The following KLHL4 variants were observed in gnomAD, a reference collection of about 807,000 sequenced individuals.
KLHL4 encodes the protein kelch-like protein 4.
A neutral mutation model predicts 45.8 loss-of-function variants in KLHL4; 17 were observed. The observed-to-expected ratio is 0.37, with a 90% CI of 0.25 to 0.56. KLHL4 has a LOEUF of 0.56. Among genes scored for constraint, KLHL4 ranks in the 20% least tolerant of loss-of-function variants. The pLI is 0.79. For synonymous variants in KLHL4, 224 were observed against 189.9 expected (o/e 1.18, Z -1.47); for missense variants, 544 against 544.9 (o/e 1.00, Z 0.02).
intron 1 of KLHL4, among the ~76,000 whole-genome samples, chrX:87,548,764 A>G (rs962537276): frequency 9.2e-6 from 1 of 108,683 alleles, no homozygotes; most frequent in Non-Finnish European, 1.9e-5. Flanking sequence ...CAAAAAACAT[A>G]CATGGATTCA....
At chrX:87,531,277 C>T (rs1183714613) in intron 1 of KLHL4, among the ~76,000 whole-genome samples, 13 of 110,477 alleles carry the variant, frequency 1.2e-4, no homozygotes, top group Non-Finnish European at 1.9e-4. Flanking sequence ...TTAATTAGAT[C>T]CCATTTGTCA....
At chrX:87,587,831 G>T (rs761783043) in intron 1 of KLHL4, among the ~76,000 whole-genome samples, 4 of 110,960 alleles carry the variant, frequency 3.6e-5, no homozygotes, top group Non-Finnish European at 5.7e-5. Context: ...AGATGTAAAG[G>T]TCACCCAAAA....
rs964902030 is a variant in KLHL4 at position 87,668,508 on chromosome X, A to G, written c.*1974A>G. 1.1e-5 allele frequency: 8 copies of G among 748,905 alleles called. No homozygotes were observed. The highest frequency in any genetic ancestry group is 9.5e-6 in the Non-Finnish European group (6 of 634,446). 61.7% of individuals were successfully genotyped at this position (748,905 alleles called of 1,213,427 possible). On this transcript the variant is annotated 3_prime_UTR_variant, in exon 11 of 11. Transcript: ENST00000373119. ...ATTTAAAAATGGTGTTCAGGCCACT[A>G]TGGCTGCTGTGGTTTGAATATTTTT...
chrX:87,662,185 T>C (rs961012528), intron 9 of KLHL4, among the ~76,000 whole-genome samples: 6 of 111,734 alleles, frequency 5.4e-5, no homozygotes, highest in African/African-American at 1.9e-4. Context: ...TTTCAAAAAG[T>C]TAAAATCATG....
intron 1 of KLHL4, among the ~76,000 whole-genome samples, chrX:87,580,610 A>G (rs1788538039): frequency 8.9e-6 from 1 of 111,922 alleles, no homozygotes; most frequent in Non-Finnish European, 1.9e-5. Flanking sequence ...AAAAAGTGTC[A>G]CAAGATACAT....
rs182407111 is a variant in KLHL4 at position 87,614,447 on chromosome X, G to T, written c.604G>T (p.Ala202Ser). The change falls in exon 3 of 11, where the codon GCA becomes TCA. Residue 202 changes from alanine to serine, a missense_variant. Coordinates refer to ENST00000373119, the MANE Select transcript of KLHL4 (RefSeq NM_019117.5). ...TCCTATTTCCAGGTTGGTTCTCAGC[G>T]CAGTGTCTGATTATTTTGCTGCAAT... ...RIPAHRLVLS[A>S]VSDYFAAMFT... 28 of 1,205,219 alleles carry T rather than the reference G, an allele frequency of 2.3e-5. No homozygotes were observed. Among genetic ancestry groups the T allele is most frequent in the Non-Finnish European group, 3.1e-5 (28 of 892,219 alleles).
At chrX:87,618,347 C>T (rs1922635249) in intron 4 of KLHL4, among the ~76,000 whole-genome samples, 1 of 111,060 alleles carries the variant, frequency 9.0e-6, no homozygotes, top group Non-Finnish European at 1.9e-5. Flanking sequence ...AAAAATACTG[C>T]CAAAAAATAA....
chrX:87,652,334 C>T (rs751406175), intron 9 of KLHL4, among the ~76,000 whole-genome samples: 4 of 112,347 alleles, frequency 3.6e-5, no homozygotes, highest in East Asian at 2.8e-4. Flanking sequence ...TTTCTGCAGC[C>T]GGCTTGAATT....
chrX:87,620,454 C>G (rs1230868755), intron 4 of KLHL4, among the ~76,000 whole-genome samples: 1 of 111,365 alleles, frequency 9.0e-6, no homozygotes, highest in African/African-American at 3.3e-5. Flanking sequence ...TTTCAATAGT[C>G]CCATTAGGAA....
intron 1 of KLHL4, among the ~76,000 whole-genome samples, chrX:87,534,369 G>T (rs1434366222): frequency 9.0e-6 from 1 of 110,666 alleles, no homozygotes; most frequent in Non-Finnish European, 1.9e-5. Context: ...ATTGACTCAG[G>T]AACCAAACTT....
intron 1 of KLHL4, among the ~76,000 whole-genome samples, chrX:87,603,078 A>T (rs1922070275): frequency 8.9e-6 from 1 of 111,837 alleles, no homozygotes; most frequent in African/African-American, 3.2e-5. Context: ...GCAGGGAATT[A>T]TGGGGCAGAA....
chrX:87,604,075 T>C (rs747520427), intron 1 of KLHL4, among the ~76,000 whole-genome samples: 4 of 111,360 alleles, frequency 3.6e-5, no homozygotes, highest in Non-Finnish European at 7.6e-5. Flanking sequence ...ATTTTAATCC[T>C]TTTTATGGCT....
At chrX:87,572,373 A>T (rs1932351104) in intron 1 of KLHL4, among the ~76,000 whole-genome samples, 1 of 111,150 alleles carries the variant, frequency 9.0e-6, no homozygotes, top group Non-Finnish European at 1.9e-5. Flanking sequence ...ATTTAACAAA[A>T]TAAGCACTCA....
At chrX:87,664,698 G>A in intron 9 of KLHL4, 66 bp from the exon 10 acceptor site, 1 of 728,826 alleles carries the variant, frequency 1.4e-6, no homozygotes, top group Non-Finnish European at 2.0e-6. Context: ...TTTTAAGAAT[G>A]TCTGTTATTT....
intron 1 of KLHL4, among the ~76,000 whole-genome samples, chrX:87,560,654 G>A (rs1474053195): frequency 9.0e-6 from 1 of 111,166 alleles, no homozygotes; most frequent in African/African-American, 3.3e-5. Flanking sequence ...TCTACTCCCC[G>A]TTTCTATGAG....
Position 87,631,685 on chromosome X carries a change from G to A in KLHL4, c.1325-525G>A, listed in dbSNP as rs761724808. On this transcript the variant is annotated intron_variant, in intron 6 of 10. Coordinates refer to ENST00000373119, the MANE Select transcript of KLHL4 (RefSeq NM_019117.5). ...TGCCACGACACACAGCTAAAGGCCC[G>A]TTTAAAAATAATTTTCATTCCTGGT... Among the ~76,000 whole-genome samples, 16 of 111,325 alleles carry A rather than the reference G, an allele frequency of 1.4e-4. No individual in the cohort carries two copies. The East Asian group carries it at 1.7e-3, about 12-fold the overall frequency.
chrX:87,571,852 G>A (rs1411457687), intron 1 of KLHL4, among the ~76,000 whole-genome samples: 1 of 110,600 alleles, frequency 9.0e-6, no homozygotes, highest in African/African-American at 3.3e-5. Context: ...TCATGTTTAT[G>A]TCTGTATGAA....
rs544531536 is a variant in KLHL4 at position 87,519,922 on chromosome X, G to A, written c.422+1607G>A. ...AAAATAGATGTTAGAAAAAATGTTAGGTAAAATGTCACATTTAAAGCGTCA... is the reference window on the plus strand; with the variant it reads ...AAAATAGATGTTAGAAAAAATGTTAAGTAAAATGTCACATTTAAAGCGTCA... On this transcript the variant is annotated intron_variant, in intron 1 of 10. Coordinates refer to ENST00000373119, the MANE Select transcript of KLHL4 (RefSeq NM_019117.5). Among the ~76,000 whole-genome samples the A allele has an allele frequency of 3.7e-3, 410 of 111,806 alleles. 6 individuals are homozygous for A. The South Asian group carries it at 0.053, about 15-fold the overall frequency.
chrX:87,525,246 T>A (rs5969230), intron 1 of KLHL4, among the ~76,000 whole-genome samples: 29,034 of 110,482 alleles, frequency 0.26, 3,161 homozygotes, highest in East Asian at 0.55. Context: ...CTTATTTTTT[T>A]ATCACTGAGG....
Sources: allele counts gnomAD v4.1 joint callset (sites outside exome capture counted in the v4.1 genomes callset), GRCh38; gene constraint gnomAD v4.1.1; transcripts MANE v1.5; gene names NCBI Gene and HGNC (gene_info 2026-07-23, HGNC 2026-07-21).